Variants in KLHL32 observed in about 807,000 individuals in gnomAD.
KLHL32 encodes kelch like family member 32, also known as kelch-like protein 32.
Under a neutral mutation model 64.8 loss-of-function variants are expected in KLHL32, and 35 were observed. The ratio of observed to expected loss-of-function variants is 0.54; its 90% CI spans 0.41 to 0.72. The LOEUF is 0.72. Among genes scored for constraint, KLHL32 ranks in the 30% least tolerant of loss-of-function variants. The pLI, the probability that KLHL32 is intolerant of heterozygous loss-of-function variation, is 0.00. For missense variants in KLHL32, 589 were observed against 768.5 expected (o/e 0.77, Z 2.76); for synonymous variants, 259 against 281.0 (o/e 0.92, Z 0.78).
chr6:96,940,422 A>G (rs1033335018), intron 1 of KLHL32, among the ~76,000 whole-genome samples: 3 of 152,198 alleles, frequency 2.0e-5, no homozygotes, highest in African/African-American at 7.2e-5. Context: ...CTAGAAGCCA[A>G]TGCAGTGGTG....
At chr6:97,139,075 A>G in intron 10 of KLHL32, 46 bp from the exon 11 acceptor site, 1 of 1,556,420 alleles carries the variant, frequency 6.4e-7, no homozygotes, top group South Asian at 1.2e-5. Flanking sequence ...CTTTATTTTG[A>G]GCAGTCATCT....
chr6:97,028,006 T>C (rs925498813), intron 3 of KLHL32, among the ~76,000 whole-genome samples: 1 of 152,212 alleles, frequency 6.6e-6, no homozygotes, highest in Admixed American at 6.5e-5. Flanking sequence ...TTGAAGGTTT[T>C]ACTAATATTT....
chr6:96,961,535 C>T (rs1287345344), intron 1 of KLHL32, among the ~76,000 whole-genome samples: 1 of 152,184 alleles, frequency 6.6e-6, no homozygotes, highest in Non-Finnish European at 1.5e-5. Context: ...GCAAGCTAAT[C>T]ACTGTGGTGA....
At chr6:96,973,343 TGTG>T (rs907865745) in intron 2 of KLHL32, among the ~76,000 whole-genome samples, 20 of 152,326 alleles carry the variant, frequency 1.3e-4, no homozygotes, top group African/African-American at 4.6e-4. Flanking sequence ...GGACAGGAAT[TGTG>T]GCACTATATT....
chr6:96,916,615 T>C, the KLHL32 span, among the ~76,000 whole-genome samples: 41 of 152,338 alleles, frequency 2.7e-4, no homozygotes, highest in South Asian at 8.3e-4. Flanking sequence ...GGTTCTTCCA[T>C]TCTTTTCTAT....
chr6:97,068,250 T>C (rs1483073710), intron 5 of KLHL32, among the ~76,000 whole-genome samples: 1 of 152,232 alleles, frequency 6.6e-6, no homozygotes, highest in Non-Finnish European at 1.5e-5. Context: ...CAACCATTCT[T>C]TATGTGCACC....
the KLHL32 span, among the ~76,000 whole-genome samples, chr6:96,904,361 AAAAGAAAAAG>A: frequency 1.4e-5 from 2 of 145,776 alleles, no homozygotes; most frequent in Non-Finnish European, 3.0e-5. Flanking sequence ...AAAAAAAAAG[AAAAGAAAAAG>A]AAAGAAAATA....
chr6:96,970,696 C>A (rs568708869), intron 2 of KLHL32, among the ~76,000 whole-genome samples: 6 of 152,264 alleles, frequency 3.9e-5, no homozygotes, highest in African/African-American at 1.4e-4. Context: ...CAAAACTATT[C>A]ATTCATAATT....
intron 3 of KLHL32, among the ~76,000 whole-genome samples, chr6:96,986,496 TC>T (rs1777085949): frequency 6.6e-6 from 1 of 152,214 alleles, no homozygotes; most frequent in African/African-American, 2.4e-5. Context: ...CAGGCAGGCC[TC>T]CTTGAGCTGT....
chr6:96,938,907 C>T (rs915627846), intron 1 of KLHL32, among the ~76,000 whole-genome samples: 1 of 152,152 alleles, frequency 6.6e-6, no homozygotes. Context: ...TTATGATATT[C>T]TAAAGTGAAC....
Position 97,085,104 on chromosome 6 carries a change from ATT to A in KLHL32, c.412-18_412-17del. 6.3e-7 allele frequency: 1 copy of A among 1,592,440 alleles called. No individual in the cohort carries two copies. On this transcript the variant is annotated intron_variant, in intron 5 of 10. Coordinates refer to ENST00000369261, the MANE Select transcript of KLHL32 (RefSeq NM_052904.4). The stretch of plus-strand genomic sequence containing the variant: ...ATTTATTTCTAAGAGATCTTTTTTC[ATT>A]TTTATTTTTTGGCACCCAGGAATTA...
chr6:96,901,031 C>T, the KLHL32 span, among the ~76,000 whole-genome samples: 1 of 152,072 alleles, frequency 6.6e-6, no homozygotes, highest in African/African-American at 2.4e-5. Context: ...AACTCAAAAC[C>T]AAAACAAACT....
At chr6:96,986,921 A>T (rs1018568904) in intron 3 of KLHL32, among the ~76,000 whole-genome samples, 4 of 152,052 alleles carry the variant, frequency 2.6e-5, no homozygotes, top group African/African-American at 9.7e-5. Flanking sequence ...TGAACCCAGT[A>T]CCTCAGTTGG....
chr6:97,085,266 G>T lies in KLHL32; in HGVS notation c.552G>T (p.Thr184=). ...LLKSRPEEVL[T]LPYCLLQEVL... is the part of the protein sequence containing the mutation. ...AGAGCCGCCCAGAAGAAGTTCTAAC[G>T]CTTCCCTATTGCCTGCTTCAGGAGG... is the stretch of plus-strand genomic sequence containing the variant. Residue 184 remains threonine (T), a synonymous_variant, in exon 6 of 11, where the codon ACG becomes ACT. Transcript: ENST00000369261. 1 of 1,613,776 alleles carries T rather than the reference G, an allele frequency of 6.2e-7. No homozygotes were observed.
the KLHL32 span, among the ~76,000 whole-genome samples, chr6:96,899,311 T>G: frequency 6.6e-6 from 1 of 152,216 alleles, no homozygotes; most frequent in Non-Finnish European, 1.5e-5. Context: ...TTCAGGGCTT[T>G]TTAGGCACGG....
chr6:97,065,268 GA>G lies in KLHL32; in HGVS notation c.411+546del, dbSNP rs746435744. Among the ~76,000 whole-genome samples the G allele has an allele frequency of 2.8e-4, 43 of 152,278 alleles. 1 individual carries two copies. In the Middle Eastern group the frequency reaches 0.017, roughly 60 times the overall value. On this transcript the variant is annotated intron_variant, in intron 5 of 10. Transcript: ENST00000369261. ...AAAGGCCCCATGAGAAGGAGGGAGA[GA>G]AAACCCCCGAACACCAAGCACTGAC... is the stretch of plus-strand genomic sequence containing the variant.
At chr6:96,914,843 CCT>C in the KLHL32 span, 1 of 152,288 alleles carries the variant, frequency 6.6e-6, no homozygotes, top group South Asian at 2.1e-4. Context: ...CTGGTGGTTC[CCT>C]GTTCCCGGGA....
the KLHL32 span, among the ~76,000 whole-genome samples, chr6:96,904,179 T>C: frequency 6.6e-6 from 1 of 151,644 alleles, no homozygotes; most frequent in Non-Finnish European, 1.5e-5. Flanking sequence ...CCGTCTCTAC[T>C]ATAAATACAA....
At chr6:97,066,493 A>G (rs1789770561) in intron 5 of KLHL32, among the ~76,000 whole-genome samples, 1 of 152,230 alleles carries the variant, frequency 6.6e-6, no homozygotes, top group East Asian at 1.9e-4. Flanking sequence ...TAGCATGCAT[A>G]CATGCTTGTG....
Sources: allele counts gnomAD v4.1 joint callset (sites outside exome capture counted in the v4.1 genomes callset), GRCh38; gene constraint gnomAD v4.1.1; transcripts MANE v1.5; gene names NCBI Gene and HGNC (gene_info 2026-07-23, HGNC 2026-07-21).